The following TADA3 variants were observed in gnomAD, a reference collection of about 807,000 sequenced individuals.
TADA3 encodes the protein transcriptional adaptor 3.
Under a neutral mutation model 43.2 loss-of-function variants are expected in TADA3, and 25 were observed. The observed-to-expected ratio is 0.58, with a 90% CI of 0.42 to 0.81. TADA3 has a LOEUF of 0.81. Among genes scored for constraint, TADA3 ranks in the 30% least tolerant of loss-of-function variants. The pLI, the probability that TADA3 is intolerant of heterozygous loss-of-function variation, is 0.00. For synonymous variants in TADA3, 235 were observed against 225.5 expected (o/e 1.04, Z -0.38); for missense variants, 441 against 567.8 (o/e 0.78, Z 2.27).
chr3:9,784,341 TC>T, intron 7 of TADA3, 128 bp from the exon 8 acceptor site: 4 of 1,224,520 alleles, frequency 3.3e-6, no homozygotes, highest in Admixed American at 6.1e-5. Context: ...TCTGTATCTA[TC>T]CAGATACAAA....
intron 4 of TADA3, among the ~76,000 whole-genome samples, chr3:9,788,475 G>A (rs1400366421): frequency 6.6e-6 from 1 of 150,846 alleles, no homozygotes; most frequent in Non-Finnish European, 1.5e-5. Context: ...TCAATCTCCT[G>A]ACCTTGTGAT....
At position 9,787,558 on chromosome 3, in the gene TADA3, A is replaced by C. The variant is rs146150221; in HGVS notation, c.565-218T>G. 1.1e-4 allele frequency: 109 copies of C among 977,394 alleles called. 1 individual carries two copies. The East Asian group carries it at 2.5e-3, about 23-fold the overall frequency. 60.5% of individuals were successfully genotyped at this position (977,394 alleles called of 1,614,324 possible). On this transcript the variant is annotated intron_variant, in intron 4 of 8. Coordinates refer to ENST00000301964, the MANE Select transcript of TADA3 (RefSeq NM_006354.5). The stretch of plus-strand genomic sequence containing the variant: ...AAAAGAACTAAGACACACACACAGA[A>C]GCCAATCTGAAATAATTCCCAAGAT...
At chr3:9,783,307 G>A (rs1452491995) in intron 8 of TADA3, 4 of 151,672 alleles carry the variant, frequency 2.6e-5, no homozygotes, top group Admixed American at 1.3e-4. Flanking sequence ...AAATGGTTAA[G>A]AAGCGTAAAT....
At chr3:9,781,200 C>T (rs549560213) in intron 8 of TADA3, among the ~76,000 whole-genome samples, 231 of 151,974 alleles carry the variant, frequency 1.5e-3, no homozygotes, top group Non-Finnish European at 3.0e-3. Flanking sequence ...AATCCCAGCG[C>T]TTTGGGAGAT....
chr3:9,792,462 C>A lies in TADA3; in HGVS notation c.-274G>T. Reference sequence around the variant, plus strand: ...GGGAGTTCCGGTCGATGTGAGCAACCGCCCCGGAACTGGCTATGGGCGGGC... The same window carrying A: ...GGGAGTTCCGGTCGATGTGAGCAACAGCCCCGGAACTGGCTATGGGCGGGC... On this transcript the variant is annotated 5_prime_UTR_variant, in exon 1 of 9. Transcript: ENST00000301964. The A allele has an allele frequency of 8.5e-7, 1 of 1,176,350 alleles. No individual in the cohort carries two copies. The highest frequency in any genetic ancestry group is 1.1e-6 in the Non-Finnish European group (1 of 952,354). The allele number at this position is 1,176,350 out of a possible 1,614,324, so 72.9% of individuals were successfully genotyped here. A position where few individuals can be genotyped will look rare whatever the true frequency, so the allele number is the denominator to read the frequency against.
At position 9,787,350 on chromosome 3, in the gene TADA3, A is replaced by G; in HGVS notation, c.565-10T>C. The G allele has an allele frequency of 6.2e-7, 1 of 1,602,742 alleles. No individual in the cohort carries two copies. The highest frequency in any genetic ancestry group is 8.5e-7 in the Non-Finnish European group (1 of 1,175,080). ...TCCCCAGGGGTGGGATCTGTGGAAA[A>G]GATGGCACCCAACCCTGAGTGGGTA... On this transcript the variant is annotated splice_polypyrimidine_tract_variant and intron_variant, in intron 4 of 8. Transcript: ENST00000301964.
At chr3:9,786,973 A>C (rs766138450) in intron 6 of TADA3, 33 bp downstream of exon 6, 8 of 1,569,032 alleles carry the variant, frequency 5.1e-6, no homozygotes, top group East Asian at 4.5e-5. Context: ...ACACAAAGTA[A>C]ATATGGTTCC....
chr3:9,790,820 T>C (rs762852187), intron 2 of TADA3, among the ~76,000 whole-genome samples: 3 of 152,202 alleles, frequency 2.0e-5, no homozygotes, highest in Admixed American at 1.3e-4. Flanking sequence ...CAAAGTCACA[T>C]AGCTAGGAAA....
At chr3:9,782,406 GGTT>G (rs2078497069) in intron 8 of TADA3, among the ~76,000 whole-genome samples, 1 of 152,142 alleles carries the variant, frequency 6.6e-6, no homozygotes, top group Admixed American at 6.5e-5. Flanking sequence ...CTCCCTCCTG[GGTT>G]GTTGTCAAGA....
At chr3:9,789,409 TG>T in intron 4 of TADA3, 99 bp downstream of exon 4, 1 of 1,100,144 alleles carries the variant, frequency 9.1e-7, no homozygotes, top group Non-Finnish European at 1.3e-6. Context: ...TGGGCAGGGT[TG>T]GGGAAGGAAG....
upstream of TADA3, chr3:9,792,613 C>T (rs2125631173): frequency 2.4e-6 from 3 of 1,230,022 alleles, no homozygotes; most frequent in East Asian, 3.2e-5. Context: ...CGGCCTCAGG[C>T]GAGCCCCGGG....
In TADA3 at chr3:9,789,884, G is replaced by A. The variant is rs201090588; in HGVS notation, c.287C>T (p.Pro96Leu). 1.0e-4 allele frequency: 165 copies of A among 1,614,218 alleles called. No homozygotes were observed. The highest frequency in any genetic ancestry group is 1.3e-4 in the Non-Finnish European group (150 of 1,180,042). Residue 96 changes from proline to leucine, a missense_variant, in exon 3 of 9, where the codon CCC (proline) becomes CTC (leucine). Pro to Leu is a moderately conservative substitution (Grantham distance 98). Coordinates refer to ENST00000301964, the MANE Select transcript of TADA3 (RefSeq NM_006354.5). Reference protein sequence around the residue: ...LGRDHELGAPPKHGKPKKQKL... With the variant: ...LGRDHELGAPLKHGKPKKQKL... ...CTGCTTCTTGGGCTTCCCATGTTTG[G>A]GGGGAGCTCCAAGTTCATGGTCTCG...
intron 7 of TADA3, among the ~76,000 whole-genome samples, chr3:9,784,455 A>G (rs2078557040): frequency 6.6e-6 from 1 of 152,070 alleles, no homozygotes; most frequent in Admixed American, 6.5e-5. Context: ...CCCAGAGAGA[A>G]TTACTATTAT....
intron 7 of TADA3, among the ~76,000 whole-genome samples, chr3:9,785,089 A>G (rs570340612): frequency 2.6e-5 from 4 of 152,304 alleles, no homozygotes; most frequent in East Asian, 1.9e-4. Flanking sequence ...ATTCCCCTTC[A>G]GCAGGACATT....
intron 8 of TADA3, chr3:9,781,467 G>C (rs1028503189): frequency 6.7e-6 from 3 of 451,090 alleles, no homozygotes; most frequent in African/African-American, 6.0e-5. Context: ...GGGAGATCTG[G>C]AGCAGGCTGG....
chr3:9,780,274 A>G lies in TADA3; in HGVS notation c.*83T>C, dbSNP rs2078428386. ...GCCATTTGAGGGACAGCCACAGGCC[A>G]ATGTTTCCTGTGCCCAAAGAAGGAA... On this transcript the variant is annotated 3_prime_UTR_variant, in exon 9 of 9. Coordinates refer to ENST00000301964, the MANE Select transcript of TADA3 (RefSeq NM_006354.5). 1 of 1,437,662 alleles carries G rather than the reference A, an allele frequency of 7.0e-7. No individual in the cohort carries two copies. Among genetic ancestry groups the G allele is most frequent in the Non-Finnish European group, 9.4e-7 (1 of 1,060,042 alleles). 89.1% of individuals were successfully genotyped at this position (1,437,662 alleles called of 1,614,324 possible).
At position 9,791,245 on chromosome 3, in the gene TADA3, C is replaced by G; in HGVS notation, c.207+15G>C. On this transcript the variant is annotated intron_variant, in intron 2 of 8. Transcript: ENST00000301964. ...CAGTCCATCTCTGGTGCTGGCCCCT[C>G]TCTGGGGTTATCACCTGGGTTTCGG... 5.0e-6 allele frequency: 8 copies of G among 1,607,476 alleles called. No homozygotes were observed. Among genetic ancestry groups the G allele is most frequent in the Non-Finnish European group, 5.9e-6 (7 of 1,177,310 alleles).
intron 7 of TADA3, among the ~76,000 whole-genome samples, chr3:9,784,980 C>A (rs746570100): frequency 1.2e-4 from 19 of 152,288 alleles, no homozygotes; most frequent in Middle Eastern, 3.4e-3. Context: ...TAATTTACAT[C>A]TTTTCATGTC....
chr3:9,781,824 C>T (rs1335365418), intron 8 of TADA3, among the ~76,000 whole-genome samples: 1 of 148,410 alleles, frequency 6.7e-6, no homozygotes, highest in Admixed American at 6.9e-5. Context: ...TCTTCATTGC[C>T]CATTACTTCT....
Sources: gnomAD v4.1 joint callset for allele counts (sites outside exome capture counted in the v4.1 genomes callset) on GRCh38, gnomAD v4.1.1 for gene constraint, MANE v1.5 for transcripts, NCBI Gene and HGNC (gene_info 2026-07-23, HGNC 2026-07-21) for gene names.